Variants in MELTF observed in about 807,000 individuals in gnomAD.
MELTF encodes the protein melanotransferrin.
MELTF carries 67 observed loss-of-function variants against 83.7 expected under a neutral mutation model. That is an observed-to-expected ratio of 0.80 (90% CI 0.66 to 0.98). MELTF has a LOEUF of 0.98. Among genes scored for constraint, MELTF ranks in the 50% least tolerant of loss-of-function variants. The pLI is 0.00. For synonymous variants in MELTF, 462 were observed against 447.6 expected, an observed-to-expected ratio of 1.03 and a Z score of -0.41; for missense variants, 1,002 against 1,035.6, an observed-to-expected ratio of 0.97 and a Z score of 0.44.
Position 197,003,484 on chromosome 3 carries a change from G to C in MELTF, c.2138-33C>G, listed in dbSNP as rs1334839887. On this transcript the variant is annotated intron_variant, in intron 15 of 15. Transcript: ENST00000296350. The surrounding 1 kb of genome is among the most constrained non-coding windows in gnomAD (Gnocchi z 6.2). ...CGAACGCGGCGGGTCAGGCCCCGAAGCCCGGGCCGCGGTGGCCGCCTCAGG... is the reference window on the plus strand; with the variant it reads ...CGAACGCGGCGGGTCAGGCCCCGAACCCCGGGCCGCGGTGGCCGCCTCAGG... The C allele has an allele frequency of 6.6e-6, 7 of 1,066,050 alleles. No individual in the cohort carries two copies. The East Asian group carries it at 3.7e-4, about 56-fold the overall frequency. 66.0% of individuals were successfully genotyped at this position (1,066,050 alleles called of 1,614,324 possible).
At chr3:197,021,897 A>G (rs964924032) in intron 5 of MELTF, among the ~76,000 whole-genome samples, 8 of 152,326 alleles carry the variant, frequency 5.3e-5, no homozygotes, top group Admixed American at 4.6e-4. Flanking sequence ...TGTGTCGCCC[A>G]GGCTGGAGTG....
In MELTF at chr3:197,027,756, C is replaced by G; in HGVS notation, c.204G>C (p.Ala68=). 1 of 1,604,928 alleles carries G rather than the reference C, an allele frequency of 6.2e-7. No homozygotes were observed. Among genetic ancestry groups the G allele is most frequent in the South Asian group, 1.1e-5 (1 of 90,380 alleles). The part of the protein sequence containing the change: ...TSADHCVQLI[A]AQEADAITLD... ...GCAGGGTGGAAGGGAGAGGACTCAC[C>G]GCGATGAGCTGGACGCAGTGGTCGG... Residue 68 remains alanine, a splice_region_variant and synonymous_variant, in exon 2 of 16, where the codon GCG becomes GCC. Transcript: ENST00000296350.
Position 197,011,334 on chromosome 3 carries a change from C to G in MELTF, c.1234-540G>C, listed in dbSNP as rs1305164948. On this transcript the variant is annotated intron_variant, in intron 9 of 15. Transcript: ENST00000296350. This position sits in a 1 kb window ranked among gnomAD's most constrained non-coding sequence, Gnocchi z 4.2. ...TGCGGAGGCGCGGGAGGGTCCAGTG[C>G]CTTCTTCCCAGGACCCTCCTGGGGC... is the stretch of plus-strand genomic sequence containing the variant. Among the ~76,000 whole-genome samples the G allele has an allele frequency of 6.6e-6, 1 of 152,204 alleles. No homozygotes were observed. Among genetic ancestry groups the G allele is most frequent in the African/African-American group, 2.4e-5 (1 of 41,452 alleles).
chr3:197,026,218 A>C, intron 3 of MELTF: 2 of 180,032 alleles, frequency 1.1e-5, no homozygotes, highest in Non-Finnish European at 1.2e-5. Flanking sequence ...AGTCATGGGA[A>C]GGGGAAGGGC....
At chr3:197,019,226 C>A in intron 6 of MELTF, 1 of 1,006,842 alleles carries the variant, frequency 9.9e-7, no homozygotes, top group Non-Finnish European at 1.2e-6. Context: ...GCTGCAAAAC[C>A]TTTGGTTAGA....
Position 197,027,828 on chromosome 3 carries a change from C to A in MELTF, c.132G>T (p.Arg44=). 2 of 1,611,540 alleles carry A rather than the reference C, an allele frequency of 1.2e-6. No homozygotes were observed. Among genetic ancestry groups the A allele is most frequent in the Non-Finnish European group, 1.7e-6 (2 of 1,179,292 alleles). The part of the protein sequence containing the change: ...HKCGNMSEAF[R]EAGIQPSLLC... ...GGAGGGAGGGCTGGATGCCCGCTTCCCGGAAGGCCTCGCTCATGTTGCCGC... is the reference window on the plus strand; with the variant it reads ...GGAGGGAGGGCTGGATGCCCGCTTCACGGAAGGCCTCGCTCATGTTGCCGC... The change falls in exon 2 of 16, where the codon CGG becomes CGT. Residue 44 remains arginine (R), a synonymous_variant. Coordinates refer to ENST00000296350, the MANE Select transcript of MELTF (RefSeq NM_005929.6).
rs117417475 is a variant in MELTF, at chr3:197,011,190, G to C, written c.1234-396C>G. Among the ~76,000 whole-genome samples, 1 of 152,220 alleles carries C rather than the reference G, an allele frequency of 6.6e-6. No homozygotes were observed. Among genetic ancestry groups the C allele is most frequent in the Non-Finnish European group, 1.5e-5 (1 of 68,026 alleles). On this transcript the variant is annotated intron_variant, in intron 9 of 15. Transcript: ENST00000296350. The surrounding 1 kb of genome is among the most constrained non-coding windows in gnomAD (Gnocchi z 4.2). ...GCACCTGGCCAAGGGCCAGCACAGC[G>C]TGTGCTGCAATGCCTGTCTGTTAAA...
rs1265969247 is a variant in MELTF at position 197,007,189 on chromosome 3, A to G, written c.1751-453T>C. On this transcript the variant is annotated intron_variant, in intron 13 of 15. Coordinates refer to ENST00000296350, the MANE Select transcript of MELTF (RefSeq NM_005929.6). The surrounding 1 kb of genome is among the most constrained non-coding windows in gnomAD (Gnocchi z 4.3). The stretch of plus-strand genomic sequence containing the variant: ...CTAAGGGCTGAAGTTCTCAAATGGA[A>G]CAGGGTATAGCATCACTTGTGGATG... Among the ~76,000 whole-genome samples, 3 of 152,124 alleles carry G rather than the reference A, an allele frequency of 2.0e-5. No individual in the cohort carries two copies. The highest frequency in any genetic ancestry group is 4.4e-5 in the Non-Finnish European group (3 of 68,006).
At chr3:197,027,944 C>A (rs371983401) in intron 1 of MELTF, 34 bp from the exon 2 acceptor site, 1 of 1,537,564 alleles carries the variant, frequency 6.5e-7, no homozygotes, top group South Asian at 1.2e-5. Flanking sequence ...CCGGCTCCCC[C>A]GCCCTGCCCA....
At chr3:197,017,846 C>T (rs1253299313) in intron 6 of MELTF, among the ~76,000 whole-genome samples, 1 of 152,122 alleles carries the variant, frequency 6.6e-6, no homozygotes, top group African/African-American at 2.4e-5. Flanking sequence ...CACTGCACTC[C>T]AGCCTGGGCG....
intron 14 of MELTF, chr3:197,004,432 C>A: frequency 1.0e-5 from 4 of 383,034 alleles, no homozygotes; most frequent in South Asian, 2.4e-5. Context: ...CCTGAGCGTT[C>A]TGCTAGGCCT....
chr3:197,016,182 G>T lies in MELTF; in HGVS notation c.1081+7C>A. 6.6e-7 allele frequency: 1 copy of T among 1,520,642 alleles called. No individual in the cohort carries two copies. Among genetic ancestry groups the T allele is most frequent in the South Asian group, 1.3e-5 (1 of 76,782 alleles). 94.2% of individuals were successfully genotyped at this position (1,520,642 alleles called of 1,614,324 possible). A position where few individuals can be genotyped will look rare whatever the true frequency, so the allele number is the denominator to read the frequency against. ...GAGCTGGCAGCAGTGGGGACAGGTG[G>T]ACTTACGGTTGGGGTCACAGAGCAG... On this transcript the variant is annotated splice_region_variant and intron_variant, in intron 8 of 15. Coordinates refer to ENST00000296350, the MANE Select transcript of MELTF (RefSeq NM_005929.6).
intron 8 of MELTF, 119 bp downstream of exon 8, chr3:197,016,069 CA>C: frequency 1.2e-6 from 1 of 833,246 alleles, no homozygotes; most frequent in South Asian, 2.3e-5. Flanking sequence ...ATGGAAATGA[CA>C]GGTTCCCGCA....
At chr3:197,020,640 C>T (rs114740930) in intron 6 of MELTF, among the ~76,000 whole-genome samples, 1 of 151,490 alleles carries the variant, frequency 6.6e-6, no homozygotes, top group South Asian at 2.1e-4. Flanking sequence ...CATGATGGCT[C>T]AATATATAAC....
At chr3:197,018,417 C>T (rs1161634540) in intron 6 of MELTF, among the ~76,000 whole-genome samples, 2 of 151,882 alleles carry the variant, frequency 1.3e-5, no homozygotes, top group Middle Eastern at 3.4e-3. Flanking sequence ...TCCCAAAGTG[C>T]TGGGATTACA....
intron 7 of MELTF, 113 bp downstream of exon 7, chr3:197,016,990 G>T: frequency 1.6e-6 from 2 of 1,214,838 alleles, no homozygotes; most frequent in Non-Finnish European, 2.3e-6. Flanking sequence ...GCTGGGGTCC[G>T]TCCCAAGGAC....
rs961502001 is a variant in MELTF at position 197,007,445 on chromosome 3, C to G, written c.1751-709G>C. 3.3e-5 allele frequency among the ~76,000 whole-genome samples: 5 copies of G among 152,176 alleles called. No individual in the cohort carries two copies. The highest frequency in any genetic ancestry group is 7.4e-5 in the Non-Finnish European group (5 of 68,024). On this transcript the variant is annotated intron_variant, in intron 13 of 15. Coordinates refer to ENST00000296350, the MANE Select transcript of MELTF (RefSeq NM_005929.6). This position sits in a 1 kb window ranked among gnomAD's most constrained non-coding sequence, Gnocchi z 4.3. Reference sequence around the variant, plus strand: ...AAATCCAGGTGGGCCTTGAGGAGAGCTAAAGATAAAAGGGAAAGGAGTGGC... The same window carrying G: ...AAATCCAGGTGGGCCTTGAGGAGAGGTAAAGATAAAAGGGAAAGGAGTGGC...
At chr3:197,012,683 C>A (rs540953010) in intron 9 of MELTF, among the ~76,000 whole-genome samples, 2 of 152,262 alleles carry the variant, frequency 1.3e-5, no homozygotes, top group African/African-American at 2.4e-5. Flanking sequence ...CACAGCAGTC[C>A]TCCCTGACTG....
At chr3:197,026,900 A>G (rs775883496) in intron 2 of MELTF, 141 bp from the exon 3 acceptor site, 15 of 645,160 alleles carry the variant, frequency 2.3e-5, no homozygotes, top group Non-Finnish European at 3.6e-5. Context: ...CAGGAGCCCA[A>G]CCAGAGCCCA....
Sources: gnomAD v4.1 joint callset for allele counts (sites outside exome capture counted in the v4.1 genomes callset) on GRCh38, gnomAD v4.1.1 for gene constraint, Gnocchi (gnomAD v3.1) non-coding constraint, MANE v1.5 for transcripts, NCBI Gene and HGNC (gene_info 2026-07-23, HGNC 2026-07-21) for gene names.